The following SNX8 variants were observed in gnomAD, a reference collection of about 807,000 sequenced individuals.
SNX8 encodes sorting nexin-8.
Under a neutral mutation model 51.6 loss-of-function variants are expected in SNX8, and 25 were observed. That is an observed-to-expected ratio of 0.48 (90% CI 0.35 to 0.68). The LOEUF is 0.68. Ranked by LOEUF, SNX8 falls within the 30% of genes least tolerant of loss-of-function variation. SNX8 has a pLI of 0.00. For synonymous variants in SNX8, 324 were observed against 277.0 expected (o/e 1.17, Z -1.68); for missense variants, 695 against 624.0 (o/e 1.11, Z -1.21).
chr7:2,282,904 G>A (rs982048003), intron 1 of SNX8, among the ~76,000 whole-genome samples: 3 of 152,060 alleles, frequency 2.0e-5, no homozygotes, highest in Non-Finnish European at 4.4e-5. Context: ...GGTGGATCAC[G>A]AGGTCAGGAG....
intron 1 of SNX8, among the ~76,000 whole-genome samples, chr7:2,302,871 G>GC (rs1796435104): frequency 6.7e-6 from 1 of 148,284 alleles, no homozygotes. Context: ...CCTGGCAACC[G>GC]CCCCGTCTGA....
At chr7:2,334,860 C>A (rs1216218450) in intron 1 of SNX8, among the ~76,000 whole-genome samples, 1 of 111,664 alleles carries the variant, frequency 9.0e-6, no homozygotes, top group Non-Finnish European at 1.8e-5. Flanking sequence ...AGAGTAAGAG[C>A]CCATCTCTGA....
At chr7:2,267,598 T>G (rs1007881603) in intron 5 of SNX8, among the ~76,000 whole-genome samples, 1 of 142,866 alleles carries the variant, frequency 7.0e-6, no homozygotes, top group African/African-American at 2.6e-5. Context: ...GCAGACGGAG[T>G]CTCGTTCACT....
chr7:2,300,308 T>C (rs1796362972), intron 1 of SNX8, among the ~76,000 whole-genome samples: 1 of 152,224 alleles, frequency 6.6e-6, no homozygotes, highest in African/African-American at 2.4e-5. Context: ...TTTTCAGAGC[T>C]GACAATTCAA....
At chr7:2,321,694 G>T (rs948989333) in intron 1 of SNX8, among the ~76,000 whole-genome samples, 8 of 145,018 alleles carry the variant, frequency 5.5e-5, no homozygotes, top group African/African-American at 2.1e-4. Flanking sequence ...GATTACAGCT[G>T]TGAGCCACCG....
intron 3 of SNX8, among the ~76,000 whole-genome samples, chr7:2,272,570 T>C (rs1795675786): frequency 6.6e-6 from 1 of 152,030 alleles, no homozygotes. Context: ...GAGATGGGGT[T>C]TCACCATGTT....
chr7:2,268,132 G>A (rs1274468863), intron 5 of SNX8, among the ~76,000 whole-genome samples: 10 of 140,252 alleles, frequency 7.1e-5, no homozygotes, highest in Non-Finnish European at 1.2e-4. Flanking sequence ...TCAGCCCCCC[G>A]CCTGGCCAGC....
rs566769850 is a variant in SNX8, at chr7:2,343,502, C to T, written c.-66+10720G>A. Among the ~76,000 whole-genome samples, 401 of 151,814 alleles carry T rather than the reference C, an allele frequency of 2.6e-3. 2 individuals are homozygous for T. The highest frequency in any genetic ancestry group is 3.5e-3 in the Admixed American group (53 of 15,222). Reference sequence around the variant, plus strand: ...GATCCTGGCTAACACGGTGAAACCCCGTCTCTACTAAAAATACAAAAAATT... The same window carrying T: ...GATCCTGGCTAACACGGTGAAACCCTGTCTCTACTAAAAATACAAAAAATT... On this transcript the variant is annotated intron_variant, in intron 1 of 5. Transcript: ENST00000435336.
At chr7:2,321,660 C>G (rs1458044162) in intron 1 of SNX8, among the ~76,000 whole-genome samples, 1 of 150,874 alleles carries the variant, frequency 6.6e-6, no homozygotes, top group Non-Finnish European at 1.5e-5. Context: ...GTGATCCGCC[C>G]TCCTCGGCCT....
intron 1 of SNX8, among the ~76,000 whole-genome samples, chr7:2,350,682 T>G (rs964188324): frequency 6.6e-6 from 1 of 152,090 alleles, no homozygotes; most frequent in Admixed American, 6.5e-5. Context: ...AGTCTCACTC[T>G]GTCATTTAGG....
chr7:2,328,530 T>TGGCC (rs2115232677), intron 1 of SNX8, among the ~76,000 whole-genome samples: 1 of 151,970 alleles, frequency 6.6e-6, no homozygotes, highest in African/African-American at 2.4e-5. Flanking sequence ...ATACTGAATG[T>TGGCC]GGCCAGTCAC....
intron 2 of SNX8, among the ~76,000 whole-genome samples, chr7:2,276,592 CA>C (rs1436829861): frequency 6.6e-6 from 1 of 151,056 alleles, no homozygotes; most frequent in Non-Finnish European, 1.5e-5. Flanking sequence ...TGCTTGAGCC[CA>C]GGAGTTCGAG....
intron 4 of SNX8, 88 bp from the exon 5 acceptor site, chr7:2,269,727 C>T (rs1467066359): frequency 2.6e-6 from 2 of 765,580 alleles, no homozygotes; most frequent in African/African-American, 1.8e-5. Context: ...AGCGGGAGGT[C>T]GTCTTTCCTC....
intron 7 of SNX8, among the ~76,000 whole-genome samples, chr7:2,259,676 G>A (rs143614474): frequency 6.6e-6 from 1 of 152,342 alleles, no homozygotes; most frequent in East Asian, 1.9e-4. Flanking sequence ...GCCAGGAGAA[G>A]AGGTGTGTTA....
intron 7 of SNX8, 63 bp downstream of exon 7, chr7:2,263,167 C>T (rs1795377430): frequency 1.2e-5 from 19 of 1,563,742 alleles, no homozygotes; most frequent in East Asian, 2.3e-5. Flanking sequence ...GCAGGAGGCA[C>T]TCCCCATGCA....
At chr7:2,319,279 T>C (rs912496572), upstream of SNX8, among the ~76,000 whole-genome samples, 7 of 147,628 alleles carry the variant, frequency 4.7e-5, no homozygotes, top group African/African-American at 1.8e-4. Context: ...GAGGCAGAGG[T>C]TGCAGTGAGC....
intron 1 of SNX8, among the ~76,000 whole-genome samples, chr7:2,351,667 TA>T: frequency 6.6e-6 from 1 of 151,730 alleles, no homozygotes; most frequent in African/African-American, 2.4e-5. Flanking sequence ...CCGTCTCTAC[TA>T]AAAATACAAA....
At chr7:2,289,787 G>A (rs181230942) in intron 1 of SNX8, among the ~76,000 whole-genome samples, 275 of 152,290 alleles carry the variant, frequency 1.8e-3, no homozygotes, top group Non-Finnish European at 2.5e-3. Flanking sequence ...GCCAGGCACC[G>A]TGGCACGCAC....
rs939716548 is a variant in SNX8 at position 2,340,197 on chromosome 7, G to T, written c.-66+14025C>A. Among the ~76,000 whole-genome samples the T allele has an allele frequency of 5.3e-5, 8 of 151,760 alleles. No homozygotes were observed. In the East Asian group the frequency reaches 1.6e-3, roughly 29 times the overall value. On this transcript the variant is annotated intron_variant, in intron 1 of 5. Coordinates refer to the SNX8 transcript ENST00000435336. ...CCTGCCTCAGCTTCCCAAGTAGCTG[G>T]GATTACAGGCATGCGCCACCATGCC...
Sources: gnomAD v4.1 joint callset for allele counts (sites outside exome capture counted in the v4.1 genomes callset) on GRCh38, gnomAD v4.1.1 for gene constraint, MANE v1.5 for transcripts, NCBI Gene and HGNC (gene_info 2026-07-23, HGNC 2026-07-21) for gene names.